NEK11: variants seen among roughly 807,000 people sequenced by gnomAD.
The protein encoded by NEK11 is serine/threonine-protein kinase Nek11.
Under a neutral mutation model 80.7 loss-of-function variants are expected in NEK11, and 72 were observed. The ratio of observed to expected loss-of-function variants is 0.89; its 90% CI spans 0.74 to 1.08. The LOEUF (loss-of-function observed/expected upper bound fraction) is 1.08, where lower values mean the gene tolerates loss of function less well. NEK11 is among the 50% of genes least tolerant of loss of function. The pLI is 0.00. For missense variants in NEK11, 764 were observed against 763.6 expected (o/e 1.00, Z -0.01); for synonymous variants, 251 against 260.7 (o/e 0.96, Z 0.36).
At chr3:131,184,720 C>T in intron 14 of NEK11, 1 of 1,230,398 alleles carries the variant, frequency 8.1e-7, no homozygotes, top group Non-Finnish European at 1.1e-6. Flanking sequence ...AATCTAATTT[C>T]ACTAGACGAA....
chr3:131,203,765 GTGTATATATATATATATATATATA>G lies in NEK11; in HGVS notation c.1400-24761_1400-24738del, dbSNP rs1467356657. On this transcript the variant is annotated intron_variant, in intron 14 of 17. Transcript: ENST00000383366. ...TATATATATGTGTGTGTGTGTGTGT[GTGTATATATATATATATATATATA>G]TATATATATATATATATATATATAT... 6.0e-4 allele frequency among the ~76,000 whole-genome samples: 63 copies of G among 104,292 alleles called. 2 individuals carry two copies. The highest frequency in any genetic ancestry group is 2.3e-3 in the African/African-American group (54 of 23,930). 68.4% of individuals were successfully genotyped at this position (104,292 alleles called of 152,430 possible).
intron 4 of NEK11, among the ~76,000 whole-genome samples, chr3:131,105,740 G>A (rs572933919): frequency 4.6e-5 from 7 of 152,228 alleles, no homozygotes; most frequent in Admixed American, 3.9e-4. Context: ...ACCTGGTCCC[G>A]CCCTTGACAT....
intron 13 of NEK11, among the ~76,000 whole-genome samples, chr3:131,170,001 A>G (rs1560768469): frequency 6.6e-6 from 1 of 152,198 alleles, no homozygotes; most frequent in African/African-American, 2.4e-5. Context: ...TTATGATGAT[A>G]TTCTCACAAA....
intron 4 of NEK11, among the ~76,000 whole-genome samples, chr3:131,091,193 G>T (rs2076679516): frequency 6.6e-6 from 1 of 152,158 alleles, no homozygotes; most frequent in South Asian, 2.1e-4. Context: ...ATCTTTCAGT[G>T]TTCTCTCTTC....
intron 17 of NEK11, among the ~76,000 whole-genome samples, chr3:131,317,611 CT>C (rs1413389594): frequency 1.1e-4 from 17 of 151,648 alleles, no homozygotes; most frequent in Admixed American, 7.2e-4. Context: ...AATGCAGAAT[CT>C]GACCAGCTGT....
chr3:131,110,717 G>T (rs530173561), intron 5 of NEK11, among the ~76,000 whole-genome samples: 2 of 152,092 alleles, frequency 1.3e-5, no homozygotes, highest in South Asian at 4.1e-4. Flanking sequence ...TGAACGAAAG[G>T]GGGTAATTTA....
At chr3:131,208,868 A>C (rs948995775) in intron 14 of NEK11, among the ~76,000 whole-genome samples, 4 of 152,228 alleles carry the variant, frequency 2.6e-5, no homozygotes, top group Non-Finnish European at 5.9e-5. Flanking sequence ...TTTTGGGCTG[A>C]GACGATGGGG....
At chr3:131,222,604 A>G (rs1456477799) in intron 14 of NEK11, among the ~76,000 whole-genome samples, 1 of 152,226 alleles carries the variant, frequency 6.6e-6, no homozygotes, top group East Asian at 1.9e-4. Flanking sequence ...TTTTGTCTTT[A>G]ACATACAAAG....
chr3:131,037,981 A>C (rs1188217817), intron 3 of NEK11, among the ~76,000 whole-genome samples: 1 of 152,088 alleles, frequency 6.6e-6, no homozygotes. Flanking sequence ...CGCCGTGGAG[A>C]GTTATGAAAA....
intron 17 of NEK11, among the ~76,000 whole-genome samples, chr3:131,298,122 G>A (rs1433148504): frequency 6.6e-6 from 1 of 152,034 alleles, no homozygotes; most frequent in Non-Finnish European, 1.5e-5. Flanking sequence ...TGTTCTTTTG[G>A]CTTAGGATTG....
At chr3:131,071,597 A>C (rs560692549) in intron 3 of NEK11, among the ~76,000 whole-genome samples, 2 of 152,094 alleles carry the variant, frequency 1.3e-5, no homozygotes, top group South Asian at 4.1e-4. Flanking sequence ...ATGTTTTTAA[A>C]TAACTTAAAA....
At chr3:131,270,148 G>T (rs1219792534) in intron 16 of NEK11, among the ~76,000 whole-genome samples, 1 of 152,160 alleles carries the variant, frequency 6.6e-6, no homozygotes, top group African/African-American at 2.4e-5. Flanking sequence ...TCCTGAGGGA[G>T]AATGACATTA....
chr3:131,344,951 T>A (rs1004338641), intron 17 of NEK11, among the ~76,000 whole-genome samples: 2 of 152,224 alleles, frequency 1.3e-5, no homozygotes, highest in African/African-American at 4.8e-5. Flanking sequence ...CAGGGACAGA[T>A]ATCCAAACTA....
chr3:131,231,899 C>T (rs1329978150), intron 15 of NEK11, among the ~76,000 whole-genome samples: 1 of 152,054 alleles, frequency 6.6e-6, no homozygotes, highest in African/African-American at 2.4e-5. Context: ...GTTGATTCCC[C>T]TTCCTTTAGA....
chr3:131,077,447 A>C lies in NEK11; in HGVS notation c.171-2976A>C, dbSNP rs534224018. ...CACCTGTCTTAATAGCCCTACCTTC[A>C]TCTGCTAAACTGTGGACAAATGAGA... is the stretch of plus-strand genomic sequence containing the variant. On this transcript the variant is annotated intron_variant, in intron 3 of 17. Coordinates refer to ENST00000383366, the MANE Select transcript of NEK11 (RefSeq NM_024800.5). Among the ~76,000 whole-genome samples, 4 of 152,338 alleles carry C rather than the reference A, an allele frequency of 2.6e-5. No individual in the cohort carries two copies. The South Asian group carries it at 8.3e-4, about 32-fold the overall frequency.
chr3:131,103,995 A>G (rs1240293965), intron 4 of NEK11, among the ~76,000 whole-genome samples: 1 of 152,190 alleles, frequency 6.6e-6, no homozygotes, highest in Non-Finnish European at 1.5e-5. Context: ...ATGCATAGCT[A>G]TGGCTAATTT....
intron 17 of NEK11, among the ~76,000 whole-genome samples, chr3:131,319,280 A>G (rs974328605): frequency 2.3e-4 from 35 of 152,300 alleles, no homozygotes; most frequent in Admixed American, 2.2e-3. Flanking sequence ...ATTTGAAAGA[A>G]AATACTTATT....
chr3:131,054,863 A>AT (rs1239714817), intron 3 of NEK11, among the ~76,000 whole-genome samples: 1 of 152,182 alleles, frequency 6.6e-6, no homozygotes, highest in African/African-American at 2.4e-5. Context: ...ATTTAGGTTG[A>AT]TGGTTGTACC....
rs76776131 is a variant in NEK11 at position 131,140,577 on chromosome 3, T to A, written c.647+6621T>A. On this transcript the variant is annotated intron_variant, in intron 7 of 17. Transcript: ENST00000383366. ...TGGTTTTTTATGCAGCAGTGGTGAC[T>A]GGAGCAGGACTTCATCAGGAGAACG... 1.8e-3 allele frequency among the ~76,000 whole-genome samples: 281 copies of A among 152,286 alleles called. 8 individuals are homozygous for A. In the East Asian group the frequency reaches 0.049, roughly 26 times the overall value.
Sources: allele counts gnomAD v4.1 joint callset (sites outside exome capture counted in the v4.1 genomes callset), GRCh38; gene constraint gnomAD v4.1.1; transcripts MANE v1.5; gene names NCBI Gene and HGNC (gene_info 2026-07-23, HGNC 2026-07-21).